Variants in GLRA3 observed in about 807,000 individuals in gnomAD.
The protein encoded by GLRA3 is glycine receptor alpha 3, also known as glycine receptor subunit alpha-3.
GLRA3 carries 44 observed loss-of-function variants against 60.4 expected under a neutral mutation model. The observed-to-expected ratio is 0.73, with a 90% CI of 0.57 to 0.94. The LOEUF (loss-of-function observed/expected upper bound fraction) is 0.94, where lower values mean the gene tolerates loss of function less well. Among genes scored for constraint, GLRA3 ranks in the 40% least tolerant of loss-of-function variants. GLRA3 has a pLI of 0.00. For synonymous variants in GLRA3, 223 were observed against 192.9 expected (o/e 1.16, Z -1.29); for missense variants, 508 against 564.6 (o/e 0.90, Z 1.02).
At chr4:174,711,449 T>C (rs867378086) in intron 5 of GLRA3, among the ~76,000 whole-genome samples, 1 of 137,438 alleles carries the variant, frequency 7.3e-6, no homozygotes, top group Non-Finnish European at 1.6e-5. Context: ...ATATATATTT[T>C]TTTTTTTTTT....
chr4:174,649,798 G>C (rs964670955), intron 9 of GLRA3, among the ~76,000 whole-genome samples: 1 of 149,734 alleles, frequency 6.7e-6, no homozygotes, highest in Non-Finnish European at 1.5e-5. Flanking sequence ...GGTTGGATTT[G>C]ATAGACTTGA....
In GLRA3 at chr4:174,643,040, A is replaced by G. The variant is rs1291092170; in HGVS notation, c.*746T>C. 1 of 953,554 alleles carries G rather than the reference A, an allele frequency of 1.0e-6. No homozygotes were observed. Among genetic ancestry groups the G allele is most frequent in the South Asian group, 4.8e-5 (1 of 20,644 alleles). The allele number at this position is 953,554 out of a possible 1,614,324, so 59.1% of individuals were successfully genotyped here. ...TCAATGTTTGGCAATAACTAAAAAT[A>G]CATAGCTATAATACTTATTTAAAAA... On this transcript the variant is annotated 3_prime_UTR_variant, in exon 10 of 10. Coordinates refer to ENST00000274093, the MANE Select transcript of GLRA3 (RefSeq NM_006529.4).
chr4:174,762,109 A>G (rs1737963942), intron 3 of GLRA3, among the ~76,000 whole-genome samples: 1 of 152,142 alleles, frequency 6.6e-6, no homozygotes, highest in Non-Finnish European at 1.5e-5. Context: ...TTTAGAAGTA[A>G]ATATAAATGT....
At chr4:174,660,768 G>A (rs1733403057) in intron 7 of GLRA3, among the ~76,000 whole-genome samples, 6 of 152,010 alleles carry the variant, frequency 3.9e-5, no homozygotes, top group Admixed American at 3.9e-4. Flanking sequence ...AAAAATTCCT[G>A]TCTTCTACAT....
intron 5 of GLRA3, among the ~76,000 whole-genome samples, chr4:174,711,984 C>A (rs1735735780): frequency 6.6e-6 from 1 of 151,782 alleles, no homozygotes; most frequent in South Asian, 2.1e-4. Flanking sequence ...ATGAATTTAA[C>A]CCTTTTATTC....
intron 5 of GLRA3, among the ~76,000 whole-genome samples, chr4:174,714,043 C>T (rs1237027623): frequency 1.3e-5 from 2 of 152,166 alleles, no homozygotes; most frequent in African/African-American, 4.8e-5. Context: ...ACAACCACTG[C>T]GAATCAGCCT....
chr4:174,811,160 G>A (rs1740255710), intron 1 of GLRA3, among the ~76,000 whole-genome samples: 1 of 142,554 alleles, frequency 7.0e-6, no homozygotes, highest in African/African-American at 2.6e-5. Flanking sequence ...CACACAGACA[G>A]CATGCACAAG....
chr4:174,728,855 T>C (rs1386893246), intron 3 of GLRA3, among the ~76,000 whole-genome samples, 157 bp from the exon 4 acceptor site: 1 of 152,118 alleles, frequency 6.6e-6, no homozygotes, highest in Non-Finnish European at 1.5e-5. Flanking sequence ...GCTATACAAG[T>C]GTTGGGACAG....
At chr4:174,687,385 C>T (rs1414427183) in intron 5 of GLRA3, among the ~76,000 whole-genome samples, 1 of 152,090 alleles carries the variant, frequency 6.6e-6, no homozygotes, top group African/African-American at 2.4e-5. Context: ...GGGAAGTCTG[C>T]ACAAAATACT....
At chr4:174,653,183 G>A (rs910823432) in intron 9 of GLRA3, among the ~76,000 whole-genome samples, 2 of 151,980 alleles carry the variant, frequency 1.3e-5, no homozygotes, top group African/African-American at 4.8e-5. Context: ...GTTTCAAAAT[G>A]TGTAGATTAT....
intron 3 of GLRA3, among the ~76,000 whole-genome samples, chr4:174,733,617 C>G (rs1256494100): frequency 6.6e-6 from 1 of 152,148 alleles, no homozygotes; most frequent in Non-Finnish European, 1.5e-5. Flanking sequence ...CTCTATAGCC[C>G]AAAGCCTGGC....
chr4:174,738,390 A>G (rs1736883453), intron 3 of GLRA3, among the ~76,000 whole-genome samples: 1 of 152,224 alleles, frequency 6.6e-6, no homozygotes, highest in Non-Finnish European at 1.5e-5. Context: ...ATTTACAGGT[A>G]TTTGGGTTTA....
rs185767429 is a variant in GLRA3 at position 174,654,194 on chromosome 4, C to A, written c.1116+2549G>T. ...GTGTATATGGATGCCATATGGCTTT[C>A]AACCGTGAATCCTTCTCACGTTCAT... On this transcript the variant is annotated intron_variant, in intron 9 of 9. Transcript: ENST00000274093. Among the ~76,000 whole-genome samples, 4 of 152,224 alleles carry A rather than the reference C, an allele frequency of 2.6e-5. No homozygotes were observed. The East Asian group carries it at 7.7e-4, about 29-fold the overall frequency.
At chr4:174,732,398 T>G (rs1736588495) in intron 3 of GLRA3, among the ~76,000 whole-genome samples, 1 of 145,300 alleles carries the variant, frequency 6.9e-6, no homozygotes, top group South Asian at 2.2e-4. Flanking sequence ...CATTGTAACA[T>G]AAATTTGATA....
chr4:174,695,268 C>G (rs1017964838), intron 5 of GLRA3, among the ~76,000 whole-genome samples: 3 of 151,892 alleles, frequency 2.0e-5, no homozygotes, highest in African/African-American at 7.3e-5. Context: ...ATACTAAAAC[C>G]TGGCAAAGAC....
At chr4:174,817,117 A>G (rs190498656) in intron 1 of GLRA3, among the ~76,000 whole-genome samples, 94 of 152,324 alleles carry the variant, frequency 6.2e-4, no homozygotes, top group African/African-American at 2.2e-3. Flanking sequence ...GAAGTTCAGC[A>G]TGCCACTTCT....
At chr4:174,700,509 A>G (rs1445709182) in intron 5 of GLRA3, among the ~76,000 whole-genome samples, 2 of 152,186 alleles carry the variant, frequency 1.3e-5, no homozygotes, top group Admixed American at 1.3e-4. Flanking sequence ...CCAATTAATA[A>G]CTACGAAGAC....
intron 4 of GLRA3, among the ~76,000 whole-genome samples, chr4:174,721,844 TGTGTGTATAC>T (rs1385923747): frequency 6.6e-6 from 1 of 151,758 alleles, no homozygotes; most frequent in East Asian, 1.9e-4. Context: ...TGTGTGTATA[TGTGTGTATAC>T]ATATGTGTGT....
At chr4:174,654,172 T>C (rs1414369533) in intron 9 of GLRA3, among the ~76,000 whole-genome samples, 1 of 152,180 alleles carries the variant, frequency 6.6e-6, no homozygotes, top group Non-Finnish European at 1.5e-5. Context: ...ATAATTAGTG[T>C]ATATGGATGC....
Sources: allele counts gnomAD v4.1 joint callset (sites outside exome capture counted in the v4.1 genomes callset), GRCh38; gene constraint gnomAD v4.1.1; transcripts MANE v1.5; gene names NCBI Gene and HGNC (gene_info 2026-07-23, HGNC 2026-07-21).